ABCB11: variants seen among roughly 807,000 people sequenced by gnomAD.
The protein encoded by ABCB11 is bile salt export pump.
A neutral mutation model predicts 148.0 loss-of-function variants in ABCB11; 95 were observed. The ratio of observed to expected loss-of-function variants is 0.64; its 90% CI spans 0.54 to 0.76. The LOEUF (loss-of-function observed/expected upper bound fraction) is 0.76. Ranked by LOEUF, ABCB11 falls within the 30% of genes least tolerant of loss-of-function variation. The pLI is 0.00. For missense variants in ABCB11, 1,523 were observed against 1,617.8 expected, an observed-to-expected ratio of 0.94 and a Z score of 1.01; for synonymous variants, 591 against 555.4, an observed-to-expected ratio of 1.06 and a Z score of -0.90.
chr2:169,012,321 A>G (rs1262803998), intron 5 of ABCB11, among the ~76,000 whole-genome samples: 1 of 152,176 alleles, frequency 6.6e-6, no homozygotes, highest in Non-Finnish European at 1.5e-5. Flanking sequence ...AGGCCATGCT[A>G]TGACAGTGAG....
chr2:169,017,949 G>A (rs772873099), intron 2 of ABCB11, 101 bp downstream of exon 2: 3 of 942,406 alleles, frequency 3.2e-6, no homozygotes, highest in Non-Finnish European at 5.3e-6. Flanking sequence ...TCTACCTACT[G>A]TTGCTGATTT....
Position 168,996,671 on chromosome 2 carries a change from TC to T in ABCB11, c.440del (p.Gly147GlufsTer28). The T allele has an allele frequency of 6.4e-7, 1 of 1,573,360 alleles. No homozygotes were observed. Among genetic ancestry groups the T allele is most frequent in the Admixed American group, 1.8e-5 (1 of 56,230 alleles). On this transcript the variant is annotated frameshift_variant, in exon 6 of 28. Transcript: ENST00000650372. LOFTEE classifies it high-confidence loss of function. Reference sequence around the variant, plus strand: ...CTGTGATAAGTACTGCGACAGCAATTCCAGCATAGTAACTGGCAAATTTGAT... The same window carrying T: ...CTGTGATAAGTACTGCGACAGCAATTCAGCATAGTAACTGGCAAATTTGAT... The part of the protein sequence containing the change: ...EMIKFASYYA[G>X]IAVAVLITGY...
At position 168,935,440 on chromosome 2, in the gene ABCB11, A is replaced by C; in HGVS notation, c.2815-15T>G. The stretch of plus-strand genomic sequence containing the variant: ...TCATTTGTAATCTGAAGATTGAAAA[A>C]GAGTCTTAGGAATACAAGGGCAGAA... On this transcript the variant is annotated splice_polypyrimidine_tract_variant and intron_variant, in intron 22 of 27. Coordinates refer to ENST00000650372, the MANE Select transcript of ABCB11 (RefSeq NM_003742.4). 3.1e-6 allele frequency: 5 copies of C among 1,606,350 alleles called. No individual in the cohort carries two copies. Among genetic ancestry groups the C allele is most frequent in the Non-Finnish European group, 4.3e-6 (5 of 1,175,358 alleles).
rs3821122 is a variant in ABCB11 at position 169,010,439 on chromosome 2, C to A, written c.389+2833G>T. ...GGCTTTAACTTAAAAATTCCATCTA[C>A]TAGATTACAATTGACATGTGGAAAC... On this transcript the variant is annotated intron_variant, in intron 5 of 27. Coordinates refer to ENST00000650372, the MANE Select transcript of ABCB11 (RefSeq NM_003742.4). 0.015 allele frequency among the ~76,000 whole-genome samples: 2,255 copies of A among 152,174 alleles called. 241 individuals carry two copies. In the East Asian group the frequency reaches 0.29, roughly 20 times the overall value.
chr2:169,014,743 C>T (rs1695301801), intron 3 of ABCB11, among the ~76,000 whole-genome samples: 2 of 152,082 alleles, frequency 1.3e-5, no homozygotes, highest in South Asian at 4.1e-4. Context: ...TTAAAGCTTC[C>T]TCATGCTTAA....
In ABCB11 at chr2:168,976,600, A is replaced by G; in HGVS notation, c.1285T>C (p.Tyr429His). Residue 429 changes from tyrosine to histidine, a missense_variant, in exon 12 of 28, where the codon TAT becomes CAT. Physicochemically the swap from Tyr to His is moderately conservative, Grantham distance 83. Transcript: ENST00000650372. ...ACCTTCACCTCTGGTCTGGAAGGAT[A>G]ATGGAAGGTCACATTATGGAATTCA... ...EIEFHNVTFH[Y>H]PSRPEVKILN... 6.2e-7 allele frequency: 1 copy of G among 1,605,726 alleles called. No homozygotes were observed. The highest frequency in any genetic ancestry group is 8.5e-7 in the Non-Finnish European group (1 of 1,173,552).
At chr2:169,025,515 C>A (rs1369308296) in intron 1 of ABCB11, among the ~76,000 whole-genome samples, 1 of 152,222 alleles carries the variant, frequency 6.6e-6, no homozygotes, top group Non-Finnish European at 1.5e-5. Flanking sequence ...TCCTCCACCC[C>A]ATCTGCCCTT....
chr2:168,919,997 C>T (rs552054186), downstream of ABCB11, among the ~76,000 whole-genome samples: 24 of 152,192 alleles, frequency 1.6e-4, no homozygotes, highest in Non-Finnish European at 2.6e-4. Flanking sequence ...TTCAGCTTCC[C>T]GAGTGGCTCA....
At chr2:168,938,118 C>T (rs2105901760) in intron 21 of ABCB11, among the ~76,000 whole-genome samples, 1 of 152,290 alleles carries the variant, frequency 6.6e-6, no homozygotes, top group East Asian at 1.9e-4. Flanking sequence ...GAATAATTTG[C>T]ATCTTTATAC....
At chr2:169,009,239 A>G (rs1436604372) in intron 5 of ABCB11, among the ~76,000 whole-genome samples, 1 of 152,194 alleles carries the variant, frequency 6.6e-6, no homozygotes, top group African/African-American at 2.4e-5. Context: ...TATATACCCA[A>G]AGGATTATAA....
At chr2:168,973,483 T>C (rs551364773) in intron 13 of ABCB11, among the ~76,000 whole-genome samples, 1 of 152,222 alleles carries the variant, frequency 6.6e-6, no homozygotes, top group African/African-American at 2.4e-5. Flanking sequence ...ATGCCACATC[T>C]GACTGTATCT....
At chr2:168,956,631 G>C (rs1692804608) in intron 19 of ABCB11, among the ~76,000 whole-genome samples, 1 of 151,512 alleles carries the variant, frequency 6.6e-6, no homozygotes, top group African/African-American at 2.4e-5. Flanking sequence ...GGATTATCTA[G>C]TCTCCCCTCT....
At chr2:169,003,887 CTA>C (rs1350888283) in intron 5 of ABCB11, among the ~76,000 whole-genome samples, 6 of 152,146 alleles carry the variant, frequency 3.9e-5, no homozygotes, top group Admixed American at 3.9e-4. Context: ...CTGGAAAAGA[CTA>C]TATCTTTCCT....
intron 3 of ABCB11, among the ~76,000 whole-genome samples, chr2:169,016,200 C>T (rs1695351129): frequency 6.6e-6 from 1 of 152,200 alleles, no homozygotes; most frequent in South Asian, 2.1e-4. Context: ...CAAAGCTAAT[C>T]TTACCACTCC....
At position 168,930,644 on chromosome 2, in the gene ABCB11, C is replaced by G. The variant is rs555945056; in HGVS notation, c.3411+21G>C. On this transcript the variant is annotated intron_variant, in intron 25 of 27. Transcript: ENST00000650372. The stretch of plus-strand genomic sequence containing the variant: ...AATACTCTGCAGAAGGCAAAATTCT[C>G]AAAAAGGTTGCGTGGCTTACCACCT... 21 of 1,470,568 alleles carry G rather than the reference C, an allele frequency of 1.4e-5. No homozygotes were observed. The African/African-American group carries it at 3.0e-4, about 21-fold the overall frequency. 91.1% of individuals were successfully genotyped at this position (1,470,568 alleles called of 1,614,324 possible).
intron 5 of ABCB11, among the ~76,000 whole-genome samples, chr2:169,004,377 TTTTC>T (rs1295002693): frequency 1.3e-5 from 2 of 152,296 alleles, no homozygotes; most frequent in African/African-American, 2.4e-5. Context: ...TTAAATTCTT[TTTTC>T]TTTGTCTTTG....
At chr2:168,952,945 C>G (rs1328487128) in intron 19 of ABCB11, among the ~76,000 whole-genome samples, 1 of 151,542 alleles carries the variant, frequency 6.6e-6, no homozygotes, top group Non-Finnish European at 1.5e-5. Flanking sequence ...TAATTTCCAT[C>G]TTAATTTCTT....
chr2:168,996,804 T>A (rs989204157), intron 5 of ABCB11, 82 bp from the exon 6 acceptor site: 2 of 432,042 alleles, frequency 4.6e-6, no homozygotes, highest in Non-Finnish European at 7.7e-6. Flanking sequence ...TAGAGGGATT[T>A]AAAAAATATA....
intron 24 of ABCB11, among the ~76,000 whole-genome samples, chr2:168,931,072 T>C (rs1691548367): frequency 6.6e-6 from 1 of 152,182 alleles, no homozygotes; most frequent in African/African-American, 2.4e-5. Flanking sequence ...GCAACGAAAT[T>C]AAAGACATTT....
Sources: allele counts gnomAD v4.1 joint callset (sites outside exome capture counted in the v4.1 genomes callset), GRCh38; gene constraint gnomAD v4.1.1; transcripts MANE v1.5; gene names NCBI Gene and HGNC (gene_info 2026-07-23, HGNC 2026-07-21).